The following ACOT9 variants were observed in gnomAD, a reference collection of about 807,000 sequenced individuals.
The protein encoded by ACOT9 is acyl-CoA thioesterase 9.
ACOT9 carries 34 observed loss-of-function variants against 39.7 expected under a neutral mutation model. The ratio of observed to expected loss-of-function variants is 0.86; its 90% CI spans 0.65 to 1.14. ACOT9 has a LOEUF of 1.14. Among genes scored for constraint, ACOT9 ranks in the 50% most tolerant of loss-of-function variants. ACOT9 has a pLI of 0.00. For synonymous variants in ACOT9, 110 were observed against 120.5 expected (o/e 0.91, Z 0.57); for missense variants, 313 against 344.1 (o/e 0.91, Z 0.71).
intron 4 of ACOT9, among the ~76,000 whole-genome samples, 163 bp from the exon 5 acceptor site, chrX:23,731,149 T>C (rs957694422): frequency 7.1e-5 from 8 of 111,966 alleles, no homozygotes; most frequent in East Asian, 2.8e-4. Context: ...CTTGGTGAAA[T>C]TGATCATTTC....
rs148612954 is a variant in ACOT9, at chrX:23,714,969, T to C, written c.589-1761A>G. On this transcript the variant is annotated intron_variant, in intron 8 of 15. Transcript: ENST00000379303. Reference sequence around the variant, plus strand: ...CTGTACTTCCAGGAAAGTCATACCATAAAGTAATGACAGAAGTTATTTATA... The same window carrying C: ...CTGTACTTCCAGGAAAGTCATACCACAAAGTAATGACAGAAGTTATTTATA... Among the ~76,000 whole-genome samples the C allele has an allele frequency of 2.9e-4, 32 of 111,291 alleles. No homozygotes were observed. The East Asian group carries it at 7.3e-3, about 25-fold the overall frequency.
chrX:23,732,623 G>A (rs930297563), intron 4 of ACOT9, among the ~76,000 whole-genome samples: 3 of 111,299 alleles, frequency 2.7e-5, no homozygotes, highest in South Asian at 7.4e-4. Flanking sequence ...GTGATCACTC[G>A]TGTTTTTTCT....
rs538861399 is a variant in ACOT9, at chrX:23,735,999, T to C, written c.38A>G (p.Lys13Arg). The change falls in exon 2 of 16, where the codon AAA becomes AGA. Residue 13 changes from lysine to arginine, a missense_variant. By Grantham distance (26) the Lys-to-Arg change is conservative (BLOSUM62 2). Coordinates refer to ENST00000379303, the MANE Select transcript of ACOT9 (RefSeq NM_001037171.2). ...RAALRLCALG[K>R]GQLTPGRGLT... Reference sequence around the variant, plus strand: ...TCCTCTTCCAGGAGTAAGCTGCCCTTTGCCCAAGGCACAAAGCCTATAAAA... The same window carrying C: ...TCCTCTTCCAGGAGTAAGCTGCCCTCTGCCCAAGGCACAAAGCCTATAAAA... The C allele has an allele frequency of 5.1e-4, 621 of 1,207,165 alleles. 2 individuals carry two copies. In the South Asian group the frequency reaches 0.011, roughly 20 times the overall value.
At chrX:23,740,623 G>T (rs944471709) in intron 1 of ACOT9, among the ~76,000 whole-genome samples, 17 of 107,981 alleles carry the variant, frequency 1.6e-4, no homozygotes, top group African/African-American at 5.7e-4. Flanking sequence ...AGAAACTGAG[G>T]CCCCAGTTTC....
chrX:23,713,029 T>TTACG, intron 9 of ACOT9, 106 bp downstream of exon 9: 1 of 618,040 alleles, frequency 1.6e-6, no homozygotes, highest in East Asian at 3.7e-5. Flanking sequence ...ATTAAAACTG[T>TTACG]TACGTCCAAG....
chrX:23,733,074 G>T, intron 4 of ACOT9, 98 bp downstream of exon 4: 1 of 808,319 alleles, frequency 1.2e-6, no homozygotes, highest in Non-Finnish European at 1.8e-6. Flanking sequence ...TGAACATAGG[G>T]CTCCCCATCC....
intron 8 of ACOT9, among the ~76,000 whole-genome samples, chrX:23,714,600 T>C (rs1021883965): frequency 4.5e-5 from 5 of 111,360 alleles, no homozygotes; most frequent in Non-Finnish European, 3.8e-5. Flanking sequence ...TTACAATGCA[T>C]AGGCCTCTGA....
chrX:23,705,623 T>C, intron 12 of ACOT9, 29 bp from the exon 13 acceptor site: 1 of 1,179,436 alleles, frequency 8.5e-7, no homozygotes, highest in Non-Finnish European at 1.2e-6. Flanking sequence ...TATCAATAAA[T>C]ACAAAACTTA....
At chrX:23,717,029 A>AT (rs1929108750) in intron 8 of ACOT9, among the ~76,000 whole-genome samples, 1 of 111,071 alleles carries the variant, frequency 9.0e-6, no homozygotes, top group Non-Finnish European at 1.9e-5. Context: ...TAATTTTTGT[A>AT]TTTTTAGTAG....
chrX:23,717,787 T>C (rs1246431428), intron 8 of ACOT9, among the ~76,000 whole-genome samples: 1 of 111,917 alleles, frequency 8.9e-6, no homozygotes, highest in African/African-American at 3.2e-5. Flanking sequence ...GTATTTATAA[T>C]AAATTAATAT....
chrX:23,721,355 C>T (rs1220354944), intron 8 of ACOT9, among the ~76,000 whole-genome samples: 2 of 111,620 alleles, frequency 1.8e-5, no homozygotes, highest in Non-Finnish European at 3.8e-5. Flanking sequence ...AGCCTCCCAA[C>T]GTGGTGGGAT....
At chrX:23,740,971 C>T (rs1930123501) in intron 1 of ACOT9, among the ~76,000 whole-genome samples, 2 of 109,283 alleles carry the variant, frequency 1.8e-5, no homozygotes, top group Admixed American at 2.0e-4. Flanking sequence ...TCAAGAAACT[C>T]AAGGCGGGGG....
chrX:23,712,045 C>T (rs898042553), intron 9 of ACOT9, among the ~76,000 whole-genome samples: 2 of 111,210 alleles, frequency 1.8e-5, no homozygotes, highest in Admixed American at 1.9e-4. Context: ...AGCCTCTCAA[C>T]GAGTGAATAA....
At chrX:23,720,007 T>TTG (rs1555937992) in intron 8 of ACOT9, among the ~76,000 whole-genome samples, 6 of 110,790 alleles carry the variant, frequency 5.4e-5, no homozygotes, top group Non-Finnish European at 1.1e-4. Flanking sequence ...GCTAATTTTT[T>TTG]TATTTTTAGT....
At chrX:23,710,945 G>C (rs751055430) in intron 9 of ACOT9, among the ~76,000 whole-genome samples, 1 of 110,506 alleles carries the variant, frequency 9.0e-6, no homozygotes, top group South Asian at 3.8e-4. Flanking sequence ...AGGCTGCAGT[G>C]AGCCATGCTC....
At chrX:23,733,807 C>T (rs1329743312) in intron 3 of ACOT9, among the ~76,000 whole-genome samples, 1 of 111,200 alleles carries the variant, frequency 9.0e-6, no homozygotes, top group East Asian at 2.8e-4. Flanking sequence ...TGTTGCCCAG[C>T]CTGGAGTGCA....
At chrX:23,727,679 G>A (rs1929582407) in intron 6 of ACOT9, among the ~76,000 whole-genome samples, 2 of 109,226 alleles carry the variant, frequency 1.8e-5, no homozygotes, top group South Asian at 8.0e-4. Flanking sequence ...CTAGGCGTAA[G>A]CTTAACAACA....
At chrX:23,726,450 G>A (rs1213061795) in intron 6 of ACOT9, among the ~76,000 whole-genome samples, 2 of 110,197 alleles carry the variant, frequency 1.8e-5, no homozygotes, top group Non-Finnish European at 3.8e-5. Flanking sequence ...CCATTCAACT[G>A]TGCAGTAAAG....
intron 9 of ACOT9, among the ~76,000 whole-genome samples, chrX:23,708,470 C>T (rs147827736): frequency 0.016 from 1,635 of 105,224 alleles, 33 homozygotes; most frequent in African/African-American, 0.053. Context: ...GTGGAGGTTG[C>T]GGTGAGCCGA....
Sources: allele counts gnomAD v4.1 joint callset (sites outside exome capture counted in the v4.1 genomes callset), GRCh38; gene constraint gnomAD v4.1.1; transcripts MANE v1.5; gene names NCBI Gene and HGNC (gene_info 2026-07-23, HGNC 2026-07-21).